Variants in PPFIA2 observed in about 807,000 individuals in gnomAD.
PPFIA2 encodes PPFI scaffold protein A2, also known as liprin-alpha-2.
A neutral mutation model predicts 175.5 loss-of-function variants in PPFIA2; 46 were observed. That is an observed-to-expected ratio of 0.26 (90% confidence interval 0.21 to 0.34). PPFIA2 has a LOEUF of 0.34. PPFIA2 is among the 10% of genes least tolerant of loss of function. PPFIA2 has a pLI of 1.00. For synonymous variants in PPFIA2, 568 were observed against 511.4 expected (o/e 1.11, Z -1.49); for missense variants, 1,179 against 1,506.1 (o/e 0.78, Z 3.60).
chr12:81,517,726 C>T (rs1429324542), intron 4 of PPFIA2, among the ~76,000 whole-genome samples: 5 of 152,284 alleles, frequency 3.3e-5, no homozygotes, highest in African/African-American at 9.6e-5. Flanking sequence ...CACCAAGCCA[C>T]TATACTCACC....
At chr12:81,580,799 A>G (rs1189337620) in intron 4 of PPFIA2, among the ~76,000 whole-genome samples, 1 of 151,704 alleles carries the variant, frequency 6.6e-6, no homozygotes, top group Non-Finnish European at 1.5e-5. Flanking sequence ...GCCCTTTGAG[A>G]TAATTACATA....
intron 4 of PPFIA2, among the ~76,000 whole-genome samples, chr12:81,661,881 C>T (rs1401947725): frequency 6.6e-6 from 1 of 152,068 alleles, no homozygotes; most frequent in Non-Finnish European, 1.5e-5. Context: ...AACTAGAATT[C>T]AGGATTAAGA....
intron 15 of PPFIA2, among the ~76,000 whole-genome samples, chr12:81,361,024 T>C (rs1241043756): frequency 6.6e-6 from 1 of 151,694 alleles, no homozygotes; most frequent in Non-Finnish European, 1.5e-5. Flanking sequence ...GTCCTAGGAA[T>C]GTGGATTGTC....
intron 8 of PPFIA2, among the ~76,000 whole-genome samples, chr12:81,389,163 A>T (rs2039624552): frequency 6.8e-6 from 1 of 148,100 alleles, no homozygotes; most frequent in South Asian, 2.1e-4. Context: ...ACATATATGT[A>T]TTCAGTGGAG....
At chr12:81,697,844 C>T (rs571229411) in intron 3 of PPFIA2, among the ~76,000 whole-genome samples, 1 of 152,162 alleles carries the variant, frequency 6.6e-6, no homozygotes, top group Non-Finnish European at 1.5e-5. Flanking sequence ...GATGAATATA[C>T]TATTTCAATT....
At chr12:81,757,803 A>C (rs1346503853) in intron 2 of PPFIA2, among the ~76,000 whole-genome samples, 1 of 152,146 alleles carries the variant, frequency 6.6e-6, no homozygotes, top group Non-Finnish European at 1.5e-5. Flanking sequence ...TCAACAAATG[A>C]CTTTATTTAA....
At position 81,293,937 on chromosome 12, in the gene PPFIA2, C is replaced by T. The variant is rs183483713; in HGVS notation, c.2925+898G>A. Among the ~76,000 whole-genome samples the T allele has an allele frequency of 1.3e-4, 20 of 152,160 alleles. No individual in the cohort carries two copies. The East Asian group carries it at 3.7e-3, about 28-fold the overall frequency. On this transcript the variant is annotated intron_variant, in intron 24 of 32. Transcript: ENST00000549396. ...TGGATAAATAAAATGTATATACACA[C>T]CATGGAATACTATGCAGTCATAAAA... is the stretch of plus-strand genomic sequence containing the variant.
chr12:81,391,431 T>C (rs1268857434), intron 8 of PPFIA2, among the ~76,000 whole-genome samples: 1 of 151,918 alleles, frequency 6.6e-6, no homozygotes, highest in Non-Finnish European at 1.5e-5. Flanking sequence ...CGATGGCCTT[T>C]GTTTTTCCAT....
intron 4 of PPFIA2, among the ~76,000 whole-genome samples, chr12:81,500,355 G>A (rs561920035): frequency 9.9e-5 from 15 of 152,232 alleles, no homozygotes; most frequent in African/African-American, 3.4e-4. Context: ...ATATAGTAAA[G>A]TGCTTGGAAC....
chr12:81,713,370 T>C (rs1367964538), intron 3 of PPFIA2, among the ~76,000 whole-genome samples: 2 of 151,136 alleles, frequency 1.3e-5, no homozygotes, highest in Non-Finnish European at 2.9e-5. Context: ...AAGACTGCTT[T>C]TGCTATATAC....
intron 4 of PPFIA2, among the ~76,000 whole-genome samples, chr12:81,498,647 C>T (rs11616017): frequency 0.071 from 10,806 of 152,010 alleles, 549 homozygotes; most frequent in East Asian, 0.2. Context: ...TTTATTGAGA[C>T]GGAGTCTCAC....
intron 4 of PPFIA2, among the ~76,000 whole-genome samples, chr12:81,493,030 G>T (rs2059583775): frequency 6.6e-6 from 1 of 152,002 alleles, no homozygotes; most frequent in Non-Finnish European, 1.5e-5. Flanking sequence ...CAGAGATGAT[G>T]GAAGATGACT....
Position 81,339,256 on chromosome 12 carries a change from G to T in PPFIA2, c.2472C>A (p.Ala824=). 6.2e-7 allele frequency: 1 copy of T among 1,610,858 alleles called. No individual in the cohort carries two copies. The highest frequency in any genetic ancestry group is 8.5e-7 in the Non-Finnish European group (1 of 1,178,292). Reference sequence around the variant, plus strand: ...AAGACTTGATTCCTTTCTTCTTGGGGGCTTTGTGAAGAGAGTCTTGGCTGC... The same window carrying T: ...AAGACTTGATTCCTTTCTTCTTGGGTGCTTTGTGAAGAGAGTCTTGGCTGC... ...ANSSQDSLHK[A]PKKKGIKSSI... is the part of the protein sequence containing the mutation. The change falls in exon 21 of 33, where the codon GCC becomes GCA. Residue 824 remains alanine, a synonymous_variant. Transcript: ENST00000549396.
intron 4 of PPFIA2, among the ~76,000 whole-genome samples, chr12:81,532,365 C>T (rs891889938): frequency 6.6e-6 from 1 of 151,722 alleles, no homozygotes; most frequent in African/African-American, 2.4e-5. Flanking sequence ...CATATAGTCC[C>T]TGAGAGACTA....
chr12:81,688,252 G>A (rs1462139802), intron 3 of PPFIA2, among the ~76,000 whole-genome samples: 1 of 151,806 alleles, frequency 6.6e-6, no homozygotes, highest in Non-Finnish European at 1.5e-5. Flanking sequence ...CTCTTTAAAT[G>A]TGTTATTTGA....
At chr12:81,582,668 T>G (rs1367273740) in intron 4 of PPFIA2, among the ~76,000 whole-genome samples, 2 of 151,962 alleles carry the variant, frequency 1.3e-5, no homozygotes, top group East Asian at 3.9e-4. Context: ...AAAAGTTAAA[T>G]TTGGGGATTA....
At chr12:81,308,361 C>A (rs1482851797) in intron 22 of PPFIA2, among the ~76,000 whole-genome samples, 2 of 152,072 alleles carry the variant, frequency 1.3e-5, no homozygotes, top group African/African-American at 2.4e-5. Flanking sequence ...TCATAATAAT[C>A]CAATAAGATA....
chr12:81,321,721 T>G (rs1299723789), intron 22 of PPFIA2, among the ~76,000 whole-genome samples: 1 of 152,162 alleles, frequency 6.6e-6, no homozygotes, highest in African/African-American at 2.4e-5. Context: ...AGTCAACAAA[T>G]AAATTCTGAA....
intron 21 of PPFIA2, among the ~76,000 whole-genome samples, chr12:81,335,033 C>G (rs922210830): frequency 6.6e-6 from 1 of 152,108 alleles, no homozygotes; most frequent in Non-Finnish European, 1.5e-5. Flanking sequence ...GCACCTATTT[C>G]TAGCGTTTCA....
Sources: allele counts gnomAD v4.1 joint callset (sites outside exome capture counted in the v4.1 genomes callset), GRCh38; gene constraint gnomAD v4.1.1; transcripts MANE v1.5; gene names NCBI Gene and HGNC (gene_info 2026-07-23, HGNC 2026-07-21).